ZNF638: variants seen among roughly 807,000 people sequenced by gnomAD.
ZNF638 encodes CTCL tumor antigen se33-1.
Under a neutral mutation model 195.6 loss-of-function variants are expected in ZNF638, and 46 were observed. That is an observed-to-expected ratio of 0.24 (90% CI 0.19 to 0.30). The LOEUF is 0.30. ZNF638 is among the 10% of genes least tolerant of loss of function. ZNF638 has a pLI of 1.00. For missense variants in ZNF638, 2,440 were observed against 2,325.3 expected (o/e 1.05, Z -1.01); for synonymous variants, 845 against 772.0 (o/e 1.09, Z -1.57).
chr2:71,357,815 A>G (rs1285845213), intron 3 of ZNF638, among the ~76,000 whole-genome samples: 1 of 152,204 alleles, frequency 6.6e-6, no homozygotes, highest in Non-Finnish European at 1.5e-5. Flanking sequence ...TATAAATACA[A>G]GCGTACCTCC....
intron 8 of ZNF638, 155 bp from the exon 9 acceptor site, chr2:71,380,067 G>T (rs1421208730): frequency 6.6e-6 from 3 of 456,886 alleles, no homozygotes; most frequent in Non-Finnish European, 1.2e-5. Context: ...GTAAAATTAG[G>T]CTGTGTAATC....
At chr2:71,343,930 A>G (rs1050103170) in intron 1 of ZNF638, among the ~76,000 whole-genome samples, 7 of 152,108 alleles carry the variant, frequency 4.6e-5, no homozygotes, top group Non-Finnish European at 1.0e-4. Context: ...GGAGATCGAG[A>G]CCATCCTGGG....
chr2:71,433,362 A>G (rs2080705097), intron 27 of ZNF638, 79 bp downstream of exon 27: 2 of 1,022,188 alleles, frequency 2.0e-6, no homozygotes, highest in Admixed American at 1.9e-5. Flanking sequence ...CCAAACGTAC[A>G]TTTCCCCCCG....
intron 1 of ZNF638, among the ~76,000 whole-genome samples, chr2:71,339,588 T>C (rs1252469246): frequency 6.6e-6 from 1 of 152,196 alleles, no homozygotes; most frequent in Non-Finnish European, 1.5e-5. Context: ...TCAGAAACAA[T>C]TGGGACTGGA....
At chr2:71,359,764 A>G (rs2079078694) in intron 3 of ZNF638, among the ~76,000 whole-genome samples, 1 of 152,210 alleles carries the variant, frequency 6.6e-6, no homozygotes, top group African/African-American at 2.4e-5. Flanking sequence ...AAGCTGTGTT[A>G]TAGGGATATA....
intron 26 of ZNF638, among the ~76,000 whole-genome samples, chr2:71,432,894 G>T (rs2080695420): frequency 3.3e-5 from 5 of 152,326 alleles, no homozygotes; most frequent in African/African-American, 1.2e-4. Context: ...TTCGAGACCA[G>T]CCTGGGCAAC....
chr2:71,409,214 T>C (rs577850906), intron 20 of ZNF638, among the ~76,000 whole-genome samples: 2 of 152,172 alleles, frequency 1.3e-5, no homozygotes, highest in Non-Finnish European at 2.9e-5. Flanking sequence ...ACCCAGAACC[T>C]TATTCGTATA....
chr2:71,405,301 G>A (rs887044708), intron 17 of ZNF638, among the ~76,000 whole-genome samples: 1 of 152,084 alleles, frequency 6.6e-6, no homozygotes, highest in Non-Finnish European at 1.5e-5. Flanking sequence ...TTCTCTTCCT[G>A]TTGTCTAAAT....
intron 3 of ZNF638, among the ~76,000 whole-genome samples, chr2:71,356,595 G>C (rs931212967): frequency 2.0e-5 from 3 of 152,032 alleles, no homozygotes; most frequent in Non-Finnish European, 4.4e-5. Context: ...GTTCAGCCTG[G>C]CCAACACAGC....
chr2:71,424,407 G>A (rs1021332856), intron 22 of ZNF638, among the ~76,000 whole-genome samples: 1 of 151,990 alleles, frequency 6.6e-6, no homozygotes, highest in Admixed American at 6.6e-5. Context: ...GTCACTGATT[G>A]CCTAACTAGA....
intron 15 of ZNF638, 114 bp downstream of exon 15, chr2:71,400,632 G>A (rs1204701552): frequency 1.2e-6 from 1 of 818,964 alleles, no homozygotes; most frequent in African/African-American, 1.8e-5. Flanking sequence ...AGAAATTCCA[G>A]TCATTTGTGA....
At chr2:71,382,655 G>GGATA (rs2079553928) in intron 10 of ZNF638, among the ~76,000 whole-genome samples, 1 of 152,148 alleles carries the variant, frequency 6.6e-6, no homozygotes, top group Admixed American at 6.5e-5. Context: ...GGCTTAGGAT[G>GGATA]TATCAGTGGA....
Position 71,423,014 on chromosome 2 carries a change from T to C in ZNF638, c.3500T>C (p.Leu1167Pro), listed in dbSNP as rs763709853. 17 of 1,614,130 alleles carry C rather than the reference T, an allele frequency of 1.1e-5. No individual in the cohort carries two copies. Among genetic ancestry groups the C allele is most frequent in the Non-Finnish European group, 1.2e-5 (14 of 1,179,988 alleles). ...DSDFAVETLELETQGEEVKEE... is the reference protein window; with the variant it reads ...DSDFAVETLEPETQGEEVKEE... ...GACTTTGCTGTTGAAACTTTGGAGC[T>C]TGAAACTCAAGGAGAGGAGGTCAAA... is the stretch of plus-strand genomic sequence containing the variant. The change falls in exon 22 of 28, where the codon CTT becomes CCT. Residue 1167 changes from leucine to proline, a missense_variant. This residue lies in a region of ZNF638 where 1,883 missense variants were observed against 1,739.1 expected (regional missense o/e 1.08). Transcript: ENST00000264447.
At chr2:71,347,677 G>A (rs2078873188) in intron 1 of ZNF638, among the ~76,000 whole-genome samples, 1 of 152,208 alleles carries the variant, frequency 6.6e-6, no homozygotes, top group African/African-American at 2.4e-5. Context: ...TTGTGTGGCT[G>A]CTGACCTTGG....
chr2:71,401,909 T>G, intron 15 of ZNF638, 47 bp from the exon 16 acceptor site: 2 of 1,502,582 alleles, frequency 1.3e-6, no homozygotes, highest in East Asian at 2.3e-5. Flanking sequence ...TAAGTAAATA[T>G]GAAACAAAGA....
At chr2:71,353,193 C>T (rs1453670513) in intron 2 of ZNF638, among the ~76,000 whole-genome samples, 5 of 152,128 alleles carry the variant, frequency 3.3e-5, no homozygotes, top group Non-Finnish European at 5.9e-5. Flanking sequence ...TCCCCACCTT[C>T]GAGTCTTTGA....
intron 19 of ZNF638, chr2:71,407,683 C>T (rs2080132964): frequency 6.6e-6 from 1 of 152,604 alleles, no homozygotes; most frequent in Admixed American, 6.5e-5. Flanking sequence ...AGTTTTCTAT[C>T]CTTTTGACAA....
At chr2:71,408,091 A>G (rs374747970) in intron 19 of ZNF638, 31 bp from the exon 20 acceptor site, 2 of 1,588,908 alleles carry the variant, frequency 1.3e-6, no homozygotes, top group African/African-American at 2.7e-5. Context: ...TTTTTAAAGA[A>G]CTATTCATAA....
chr2:71,418,882 A>G (rs953660703), intron 21 of ZNF638, among the ~76,000 whole-genome samples: 8 of 152,182 alleles, frequency 5.3e-5, no homozygotes, highest in African/African-American at 1.9e-4. Flanking sequence ...GCGTATATAA[A>G]CAGTTTGAAT....
Sources: allele counts gnomAD v4.1 joint callset (sites outside exome capture counted in the v4.1 genomes callset), GRCh38; gene constraint gnomAD v4.1.1; regional missense constraint gnomAD v4.1.1; transcripts MANE v1.5; gene names NCBI Gene and HGNC (gene_info 2026-07-23, HGNC 2026-07-21).